OR2L13: variants seen among roughly 807,000 people sequenced by gnomAD.
The protein encoded by OR2L13 is olfactory receptor family 2 subfamily L member 13, also known as olfactory receptor 2L13.
A neutral mutation model predicts 15.3 loss-of-function variants in OR2L13; 14 were observed. The observed-to-expected ratio is 0.91, with a 90% confidence interval of 0.60 to 1.43. The LOEUF is 1.43. Among genes scored for constraint, OR2L13 ranks in the 40% most tolerant of loss-of-function variants. OR2L13 has a pLI of 0.00. For synonymous variants in OR2L13, 152 were observed against 142.9 expected, an observed-to-expected ratio of 1.06 and a Z score of -0.45; for missense variants, 367 against 387.9, an observed-to-expected ratio of 0.95 and a Z score of 0.45.
At chr1:248,091,216 T>C (rs1202146115), upstream of OR2L13, among the ~76,000 whole-genome samples, 1 of 152,200 alleles carries the variant, frequency 6.6e-6, no homozygotes. Context: ...GCAAATATTT[T>C]ATCCCATTCT....
At chr1:248,094,079 A>G (rs1664663130), upstream of OR2L13, among the ~76,000 whole-genome samples, 1 of 152,168 alleles carries the variant, frequency 6.6e-6, no homozygotes, top group Non-Finnish European at 1.5e-5. Context: ...GAACATTTCT[A>G]ACAGAAAAAA....
chr1:248,003,327 C>A, the OR2L13 span: 231 of 1,593,038 alleles, frequency 1.5e-4, 2 homozygotes, highest in Middle Eastern at 2.2e-3. Context: ...AGTCAGCTCT[C>A]CCTCATTGAC....
chr1:248,029,389 A>C, the OR2L13 span, among the ~76,000 whole-genome samples: 1 of 152,192 alleles, frequency 6.6e-6, no homozygotes, highest in African/African-American at 2.4e-5. Flanking sequence ...TCATTAATTC[A>C]TTTAGTAAGA....
At chr1:247,986,486 C>A in the OR2L13 span, among the ~76,000 whole-genome samples, 1 of 152,098 alleles carries the variant, frequency 6.6e-6, no homozygotes, top group Admixed American at 6.5e-5. Context: ...TGTTTCGGTA[C>A]CAGTACCATG....
the OR2L13 span, among the ~76,000 whole-genome samples, chr1:247,951,706 T>G: frequency 6.6e-6 from 1 of 152,232 alleles, no homozygotes; most frequent in Non-Finnish European, 1.5e-5. Context: ...TAACAATGTT[T>G]ACTGCTAATC....
At chr1:247,968,803 A>G in the OR2L13 span, among the ~76,000 whole-genome samples, 1 of 151,934 alleles carries the variant, frequency 6.6e-6, no homozygotes, top group Non-Finnish European at 1.5e-5. Context: ...TGCAATAAAC[A>G]TACGTGTGCA....
chr1:247,966,121 A>C, the OR2L13 span: 1 of 1,614,134 alleles, frequency 6.2e-7, no homozygotes, highest in Non-Finnish European at 8.5e-7. Context: ...GATTGTGGCA[A>C]GCCTGTTCTA....
At chr1:248,003,777 C>A in the OR2L13 span, 1 of 1,613,902 alleles carries the variant, frequency 6.2e-7, no homozygotes, top group South Asian at 1.1e-5. Flanking sequence ...ATTTCATGTT[C>A]CTATGGCCGG....
At chr1:248,048,321 A>C in the OR2L13 span, among the ~76,000 whole-genome samples, 2 of 152,216 alleles carry the variant, frequency 1.3e-5, no homozygotes, top group African/African-American at 4.8e-5. Flanking sequence ...CAACAATTAC[A>C]AATACACATT....
chr1:248,017,217 G>A, the OR2L13 span, among the ~76,000 whole-genome samples: 7 of 152,108 alleles, frequency 4.6e-5, no homozygotes, highest in Admixed American at 4.6e-4. Context: ...AATATTTACA[G>A]CTAATTCTGT....
chr1:248,010,774 T>TG, the OR2L13 span, among the ~76,000 whole-genome samples: 1 of 136,750 alleles, frequency 7.3e-6, no homozygotes, highest in Non-Finnish European at 1.6e-5. Context: ...TTTTTTTTTT[T>TG]TTTTTTTTTT....
chr1:248,031,286 C>T, the OR2L13 span, among the ~76,000 whole-genome samples: 1 of 152,158 alleles, frequency 6.6e-6, no homozygotes, highest in African/African-American at 2.4e-5. Context: ...AGCCTTGGAA[C>T]ATGAATAATC....
chr1:247,990,657 C>T, the OR2L13 span: 2 of 1,527,422 alleles, frequency 1.3e-6, no homozygotes, highest in Admixed American at 3.3e-5. Context: ...TTCCTCTCCA[C>T]TATCCCATCC....
the OR2L13 span, among the ~76,000 whole-genome samples, chr1:247,955,392 AGT>A: frequency 1.3e-5 from 2 of 151,344 alleles, no homozygotes; most frequent in African/African-American, 4.8e-5. Context: ...TATTGTGAAT[AGT>A]GCCACAATAA....
the OR2L13 span, among the ~76,000 whole-genome samples, chr1:248,065,569 T>A: frequency 4.0e-5 from 6 of 149,110 alleles, no homozygotes; most frequent in Non-Finnish European, 8.9e-5. Flanking sequence ...TATCTCCTAA[T>A]GCTATCCCTC....
chr1:247,999,880 T>A, the OR2L13 span, among the ~76,000 whole-genome samples: 130 of 152,262 alleles, frequency 8.5e-4, no homozygotes, highest in Middle Eastern at 0.01. Context: ...TTTACCATTT[T>A]CCAGCTCTAT....
chr1:247,990,363 G>C, the OR2L13 span: 4 of 1,551,238 alleles, frequency 2.6e-6, no homozygotes, highest in Non-Finnish European at 3.6e-6. Context: ...CATTAATTTC[G>C]TTTTCCTAAT....
chr1:248,071,728 C>G, the OR2L13 span, among the ~76,000 whole-genome samples: 1 of 150,150 alleles, frequency 6.7e-6, no homozygotes, highest in African/African-American at 2.5e-5. Context: ...CTAGAAAACC[C>G]CATTGTCTCA....
chr1:248,074,190 C>A, the OR2L13 span, among the ~76,000 whole-genome samples: 1 of 151,936 alleles, frequency 6.6e-6, no homozygotes, highest in Admixed American at 6.6e-5. Context: ...CTTAAAATAA[C>A]ATATATCAAT....
Sources: allele counts gnomAD v4.1 joint callset (sites outside exome capture counted in the v4.1 genomes callset), GRCh38; gene constraint gnomAD v4.1.1; transcripts MANE v1.5; gene names NCBI Gene and HGNC (gene_info 2026-07-23, HGNC 2026-07-21).